The following ZBTB20 variants were observed in gnomAD, a reference collection of about 807,000 sequenced individuals.
The protein encoded by ZBTB20 is zinc finger and BTB domain-containing protein 20.
ZBTB20 carries 9 observed loss-of-function variants against 56.9 expected under a neutral mutation model. The ratio of observed to expected loss-of-function variants is 0.16; its 90% CI spans 0.10 to 0.28. ZBTB20 has a LOEUF of 0.28. Among genes scored for constraint, ZBTB20 ranks in the 10% least tolerant of loss-of-function variants. ZBTB20 has a pLI of 1.00. For synonymous variants in ZBTB20, 417 were observed against 420.7 expected (o/e 0.99, Z 0.11); for missense variants, 655 against 1,003.0 (o/e 0.65, Z 4.69).
At chr3:114,647,280 G>C (rs1021577182) in intron 6 of ZBTB20, among the ~76,000 whole-genome samples, 1 of 152,142 alleles carries the variant, frequency 6.6e-6, no homozygotes, top group Non-Finnish European at 1.5e-5. Context: ...TACTTCTCAA[G>C]AAAGTAGAAC....
At chr3:114,439,698 AC>A (rs2090777650) in intron 7 of ZBTB20, among the ~76,000 whole-genome samples, 1 of 152,188 alleles carries the variant, frequency 6.6e-6, no homozygotes, top group African/African-American at 2.4e-5. Context: ...GAGTGGATAG[AC>A]CAGTAGCTTG....
chr3:114,429,708 A>C (rs1260976614), intron 7 of ZBTB20, among the ~76,000 whole-genome samples: 1 of 152,180 alleles, frequency 6.6e-6, no homozygotes, highest in Non-Finnish European at 1.5e-5. Context: ...TGGAAAAAAA[A>C]AACCTCCAAT....
At chr3:115,062,628 C>G (rs1375319126) in intron 2 of ZBTB20, among the ~76,000 whole-genome samples, 2 of 151,886 alleles carry the variant, frequency 1.3e-5, no homozygotes, top group Non-Finnish European at 2.9e-5. Context: ...TCAAAAGGCA[C>G]TTGATATTTT....
intron 2 of ZBTB20, among the ~76,000 whole-genome samples, chr3:115,067,411 T>TAC (rs1168584747): frequency 6.6e-6 from 1 of 152,002 alleles, no homozygotes. Context: ...TTTATATATA[T>TAC]ACACACATTT....
intron 10 of ZBTB20, among the ~76,000 whole-genome samples, chr3:114,361,462 A>C: frequency 6.6e-6 from 1 of 152,204 alleles, no homozygotes; most frequent in African/African-American, 2.4e-5. Context: ...CTGAATTAGA[A>C]AACTTTCTTA....
chr3:114,680,944 T>C (rs962547170), intron 6 of ZBTB20, among the ~76,000 whole-genome samples: 2 of 152,186 alleles, frequency 1.3e-5, no homozygotes, highest in Admixed American at 6.5e-5. Flanking sequence ...GGTAAAAGTA[T>C]ATAAATTTAC....
intron 7 of ZBTB20, 38 bp downstream of exon 7, chr3:114,500,314 C>T (rs956754676): frequency 3.4e-5 from 5 of 148,548 alleles, no homozygotes; most frequent in Admixed American, 6.7e-5. Context: ...AAATCTGACA[C>T]TTTTTTTTTT....
At chr3:114,372,398 C>G (rs868051462) in intron 10 of ZBTB20, among the ~76,000 whole-genome samples, 1 of 152,254 alleles carries the variant, frequency 6.6e-6, no homozygotes, top group Middle Eastern at 3.4e-3. Flanking sequence ...GCATTGAGAC[C>G]AGACTTGCCA....
At chr3:114,752,539 G>A (rs73228326) in intron 5 of ZBTB20, among the ~76,000 whole-genome samples, 711 of 152,270 alleles carry the variant, frequency 4.7e-3, no homozygotes, top group Non-Finnish European at 7.3e-3. Flanking sequence ...TCTAAGTGGT[G>A]ATTTTACTTT....
intron 10 of ZBTB20, among the ~76,000 whole-genome samples, chr3:114,376,694 A>C (rs2083673901): frequency 6.6e-6 from 1 of 152,216 alleles, no homozygotes; most frequent in Non-Finnish European, 1.5e-5. Context: ...AAATGTGTAA[A>C]GGTTCAATGA....
At chr3:114,346,510 C>A (rs1378596818) in intron 11 of ZBTB20, among the ~76,000 whole-genome samples, 1 of 152,004 alleles carries the variant, frequency 6.6e-6, no homozygotes, top group Non-Finnish European at 1.5e-5. Flanking sequence ...GGAAACAAAA[C>A]TGGATCCAAA....
At chr3:114,477,961 C>CT (rs2041042474) in intron 7 of ZBTB20, among the ~76,000 whole-genome samples, 2 of 118,898 alleles carry the variant, frequency 1.7e-5, no homozygotes, top group Middle Eastern at 4.5e-3. Context: ...CTCCCACCCT[C>CT]CCTCTCTCTC....
At chr3:115,111,230 T>C (rs2083874090) in intron 1 of ZBTB20, among the ~76,000 whole-genome samples, 2 of 152,010 alleles carry the variant, frequency 1.3e-5, no homozygotes, top group South Asian at 4.1e-4. Context: ...TATGTGAAAT[T>C]TGAATATCAA....
At chr3:114,746,717 C>G (rs914857860) in intron 5 of ZBTB20, among the ~76,000 whole-genome samples, 1 of 152,122 alleles carries the variant, frequency 6.6e-6, no homozygotes, top group African/African-American at 2.4e-5. Context: ...GGGTTGGTTT[C>G]ATTTTCCTTG....
intron 4 of ZBTB20, among the ~76,000 whole-genome samples, chr3:114,833,600 G>A (rs1039179614): frequency 6.6e-6 from 1 of 151,456 alleles, no homozygotes; most frequent in Non-Finnish European, 1.5e-5. Flanking sequence ...TGTGATCTTG[G>A]TACACTACAG....
intron 5 of ZBTB20, among the ~76,000 whole-genome samples, chr3:114,701,412 T>G (rs16823108): frequency 0.05 from 7,631 of 152,272 alleles, 304 homozygotes; most frequent in Admixed American, 0.14. Flanking sequence ...TATAGTGTAA[T>G]GCTATGTGCC....
At chr3:114,479,665 G>A (rs1028772235) in intron 7 of ZBTB20, among the ~76,000 whole-genome samples, 6 of 152,196 alleles carry the variant, frequency 3.9e-5, no homozygotes, top group Non-Finnish European at 8.8e-5. Context: ...GTCTATGTGT[G>A]TTTCTAATTC....
At chr3:114,706,570 G>A (rs1329153804) in intron 5 of ZBTB20, among the ~76,000 whole-genome samples, 2 of 152,088 alleles carry the variant, frequency 1.3e-5, no homozygotes, top group East Asian at 1.9e-4. Context: ...GCAAAATGGG[G>A]TTCAGAGATA....
intron 3 of ZBTB20, among the ~76,000 whole-genome samples, chr3:114,917,409 T>C (rs1247609611): frequency 6.6e-6 from 1 of 152,188 alleles, no homozygotes. Context: ...CTGGATGGTC[T>C]TGATGCTTGT....
Sources: gnomAD v4.1 joint callset for allele counts (sites outside exome capture counted in the v4.1 genomes callset) on GRCh38, gnomAD v4.1.1 for gene constraint, MANE v1.5 for transcripts, NCBI Gene and HGNC (gene_info 2026-07-23, HGNC 2026-07-21) for gene names.